MYPN: variants seen among roughly 807,000 people sequenced by gnomAD.
The protein encoded by MYPN is sarcomeric protein myopalladin, 145 kDa (MYOP).
MYPN carries 63 observed loss-of-function variants against 129.4 expected under a neutral mutation model. The observed-to-expected ratio is 0.49, with a 90% CI of 0.40 to 0.60. MYPN has a LOEUF of 0.60. MYPN is among the 20% of genes least tolerant of loss of function. The pLI is 0.00. For synonymous variants in MYPN, 629 were observed against 600.9 expected, an observed-to-expected ratio of 1.05 and a Z score of -0.68; for missense variants, 1,596 against 1,635.4, an observed-to-expected ratio of 0.98 and a Z score of 0.42.
rs1380237620 is a variant in MYPN, at chr10:68,169,263, C to T, written c.1973+2597C>T. Among the ~76,000 whole-genome samples the T allele has an allele frequency of 2.7e-4, 38 of 140,432 alleles. No homozygotes were observed. In the East Asian group the frequency reaches 7.9e-3, roughly 29 times the overall value. 92.1% of individuals were successfully genotyped at this position (140,432 alleles called of 152,430 possible). The stretch of plus-strand genomic sequence containing the variant: ...GTCCCAGCTACTTGGGAGGCTGAGG[C>T]GGGAGAATGGCGTGAACCCAGGAGG... On this transcript the variant is annotated intron_variant, in intron 10 of 19. Transcript: ENST00000358913.
At chr10:68,178,834 A>G (rs937282246) in intron 12 of MYPN, among the ~76,000 whole-genome samples, 1 of 152,090 alleles carries the variant, frequency 6.6e-6, no homozygotes, top group African/African-American at 2.4e-5. Flanking sequence ...TTGACTAGCT[A>G]TGTTGACTGA....
chr10:68,130,269 G>A (rs139489089), intron 2 of MYPN, among the ~76,000 whole-genome samples: 3,290 of 152,248 alleles, frequency 0.022, 68 homozygotes, highest in Admixed American at 0.057. Context: ...AGACTAGCCT[G>A]GCCAACATTG....
In MYPN at chr10:68,148,400, T is replaced by C. The variant is rs11596653; in HGVS notation, c.1178T>C (p.Val393Ala). ...EVSSPPTTSAVIPPAVPQAQH... is the reference protein window; with the variant it reads ...EVSSPPTTSAAIPPAVPQAQH... ...TCATCTCCTCCCACTACCTCTGCAG[T>C]CATTCCTCCAGCAGTACCCCAAGCC... Residue 393 changes from valine (V) to alanine (A), a missense_variant, in exon 5 of 20, where the codon GTC becomes GCC. Val to Ala is a moderately conservative substitution (Grantham distance 64). Transcript: ENST00000358913. 50,927 of 1,613,918 alleles carry C rather than the reference T, an allele frequency of 0.032. 4,645 individuals are homozygous for C. In the African/African-American group the frequency reaches 0.33, roughly 10 times the overall value.
At chr10:68,132,970 C>T (rs1471961926) in intron 2 of MYPN, among the ~76,000 whole-genome samples, 1 of 151,624 alleles carries the variant, frequency 6.6e-6, no homozygotes, top group African/African-American at 2.4e-5. Context: ...TCTCTTCCAA[C>T]ACCCCAAAAC....
intron 1 of MYPN, among the ~76,000 whole-genome samples, chr10:68,095,506 G>A (rs1230094171): frequency 1.3e-5 from 2 of 152,120 alleles, no homozygotes; most frequent in African/African-American, 2.4e-5. Context: ...CCCATCTGAA[G>A]TACCAGCCAT....
chr10:68,115,258 C>CAAA (rs58484168), intron 1 of MYPN, among the ~76,000 whole-genome samples: 11 of 53,610 alleles, frequency 2.1e-4, no homozygotes, highest in East Asian at 5.1e-4. Flanking sequence ...AACTCCATCT[C>CAAA]AAAAAAAAAA....
chr10:68,174,013 A>G (rs2043184686), intron 10 of MYPN, 53 bp from the exon 11 acceptor site: 2 of 1,350,326 alleles, frequency 1.5e-6, no homozygotes, highest in East Asian at 4.6e-5. Context: ...TTGAAAGGTG[A>G]GGCCAATAAT....
rs1290042909 is a variant in MYPN, at chr10:68,182,291, ATAACATATATATAACACAC to A, written c.2704-6613_2704-6595del. On this transcript the variant is annotated intron_variant, in intron 12 of 19. Coordinates refer to ENST00000358913, the MANE Select transcript of MYPN (RefSeq NM_032578.4). ...ACATATATATAACACACATATATAT[ATAACATATATATAACACAC>A]ACATATATATAACATATATATAACA... is the stretch of plus-strand genomic sequence containing the variant. 6.6e-4 allele frequency among the ~76,000 whole-genome samples: 38 copies of A among 57,404 alleles called. 1 individual carries two copies. Among genetic ancestry groups the A allele is most frequent in the Non-Finnish European group, 7.9e-4 (22 of 27,860 alleles). 37.7% of individuals were successfully genotyped at this position (57,404 alleles called of 152,430 possible).
At chr10:68,143,710 G>C (rs2042613706) in intron 3 of MYPN, among the ~76,000 whole-genome samples, 1 of 152,112 alleles carries the variant, frequency 6.6e-6, no homozygotes, top group South Asian at 2.1e-4. Flanking sequence ...AGCATTCTGA[G>C]CAAAGACATG....
At chr10:68,142,447 C>T (rs1044774502) in intron 2 of MYPN, among the ~76,000 whole-genome samples, 1 of 152,140 alleles carries the variant, frequency 6.6e-6, no homozygotes, top group African/African-American at 2.4e-5. Flanking sequence ...GAGAATATGA[C>T]CCCTCCTCCT....
chr10:68,193,800 C>CACACAT (rs1213727630), intron 13 of MYPN, among the ~76,000 whole-genome samples: 1 of 55,732 alleles, frequency 1.8e-5, no homozygotes, highest in East Asian at 2.6e-4. Context: ...TGTATGTGCA[C>CACACAT]ACACACACAC....
At chr10:68,104,191 A>G (rs541680839), upstream of MYPN, among the ~76,000 whole-genome samples, 3 of 152,296 alleles carry the variant, frequency 2.0e-5, no homozygotes, top group South Asian at 6.2e-4. Context: ...CACATCATTA[A>G]CATTAGTGTG....
chr10:68,175,964 A>G (rs1378164444), intron 12 of MYPN, among the ~76,000 whole-genome samples: 1 of 151,946 alleles, frequency 6.6e-6, no homozygotes, highest in Non-Finnish European at 1.5e-5. Flanking sequence ...CCTTGTCTCA[A>G]ACTCCTGGGC....
exon 1 of MYPN, among the ~76,000 whole-genome samples, chr10:68,087,929 G>A (rs2041914669): frequency 6.6e-6 from 1 of 152,192 alleles, no homozygotes; most frequent in Non-Finnish European, 1.5e-5. Flanking sequence ...TGAGGTGAGG[G>A]GCTGGGAGTC....
In MYPN at chr10:68,157,052, T is replaced by C. The variant is rs375840760; in HGVS notation, c.1318-1434T>C. On this transcript the variant is annotated intron_variant, in intron 6 of 19. Transcript: ENST00000358913. ...TCACAAACCATGATGAATAAGAAAC[T>C]AGCTGTGAAAAAATGTGCATTTTAT... Among the ~76,000 whole-genome samples, 228 of 152,314 alleles carry C rather than the reference T, an allele frequency of 1.5e-3. 2 individuals carry two copies. Among genetic ancestry groups the C allele is most frequent in the African/African-American group, 5.3e-3 (219 of 41,572 alleles).
At position 68,194,219 on chromosome 10, in the gene MYPN, A is replaced by G. The variant is rs2043564469; in HGVS notation, c.2926-144A>G. 4.1e-6 allele frequency: 3 copies of G among 724,298 alleles called. No homozygotes were observed. In the East Asian group the frequency reaches 9.0e-5, roughly 22 times the overall value. The allele number at this position is 724,298 out of a possible 1,614,324, so 44.9% of individuals were successfully genotyped here. On this transcript the variant is annotated intron_variant, in intron 13 of 19. Transcript: ENST00000358913. ...GGCATATTATACAGCCATTTTTAAT[A>G]TGTTTTATAACTTTTTTTCAAGTGC... is the stretch of plus-strand genomic sequence containing the variant.
chr10:68,160,797 G>A (rs1402448309), intron 7 of MYPN, among the ~76,000 whole-genome samples: 2 of 152,112 alleles, frequency 1.3e-5, no homozygotes, highest in Non-Finnish European at 1.5e-5. Context: ...GGTGCCTGTA[G>A]TCCCAGCTAC....
intron 10 of MYPN, among the ~76,000 whole-genome samples, chr10:68,169,337 A>T (rs953334721): frequency 1.3e-5 from 2 of 149,688 alleles, no homozygotes; most frequent in Non-Finnish European, 3.0e-5. Context: ...CAGCCTGGGC[A>T]ACAGAGTGAG....
intron 13 of MYPN, among the ~76,000 whole-genome samples, chr10:68,190,032 T>A (rs1200298949): frequency 2.0e-5 from 3 of 151,876 alleles, no homozygotes; most frequent in Non-Finnish European, 4.4e-5. Context: ...TCACCAGCAT[T>A]TTTTTTTGTC....
Sources: gnomAD v4.1 joint callset for allele counts (sites outside exome capture counted in the v4.1 genomes callset) on GRCh38, gnomAD v4.1.1 for gene constraint, MANE v1.5 for transcripts, NCBI Gene and HGNC (gene_info 2026-07-23, HGNC 2026-07-21) for gene names.